CFAP20DC: variants seen among roughly 807,000 people sequenced by gnomAD.
The protein encoded by CFAP20DC is CFAP20 domain containing, also known as protein CFAP20DC.
Under a neutral mutation model 101.7 loss-of-function variants are expected in CFAP20DC, and 84 were observed. The ratio of observed to expected loss-of-function variants is 0.83; its 90% CI spans 0.69 to 0.99. CFAP20DC has a LOEUF of 0.99. Ranked by LOEUF, CFAP20DC falls within the 50% of genes least tolerant of loss-of-function variation. CFAP20DC has a pLI of 0.00. For synonymous variants in CFAP20DC, 359 were observed against 351.2 expected, an observed-to-expected ratio of 1.02 and a Z score of -0.25; for missense variants, 1,007 against 970.3, an observed-to-expected ratio of 1.04 and a Z score of -0.50.
chr3:58,816,503 C>T (rs2075160098), intron 14 of CFAP20DC, among the ~76,000 whole-genome samples: 1 of 152,174 alleles, frequency 6.6e-6, no homozygotes, highest in African/African-American at 2.4e-5. Flanking sequence ...CAGGGAGTTC[C>T]CTTTCCGAGT....
intron 4 of CFAP20DC, among the ~76,000 whole-genome samples, chr3:58,967,740 A>G (rs185768012): frequency 5.8e-4 from 88 of 152,266 alleles, no homozygotes; most frequent in African/African-American, 2.0e-3. Flanking sequence ...TTAGGGGTAC[A>G]TGTGAAGGTT....
chr3:58,948,693 G>A (rs996421880), intron 4 of CFAP20DC, among the ~76,000 whole-genome samples: 16 of 152,270 alleles, frequency 1.1e-4, no homozygotes, highest in African/African-American at 3.4e-4. Flanking sequence ...CGGTTTGCCC[G>A]TATTTTATTG....
At position 58,993,385 on chromosome 3, in the gene CFAP20DC, T is replaced by C. The variant is rs146045825; in HGVS notation, c.278+46172A>G. ...AGAGAACGCTGTTTACCCCTAATTC[T>C]GGCCTCTTCTCTAGTTATCTTCATG... On this transcript the variant is annotated intron_variant, in intron 4 of 16. Transcript: ENST00000482387. Among the ~76,000 whole-genome samples, 14 of 152,336 alleles carry C rather than the reference T, an allele frequency of 9.2e-5. 1 individual carries two copies. In the East Asian group the frequency reaches 2.7e-3, roughly 29 times the overall value.
At chr3:58,843,482 G>A (rs2077336874) in intron 13 of CFAP20DC, among the ~76,000 whole-genome samples, 2 of 151,404 alleles carry the variant, frequency 1.3e-5, no homozygotes, top group South Asian at 4.2e-4. Flanking sequence ...AAAAAGAAAT[G>A]AGCAAAGCCT....
intron 4 of CFAP20DC, among the ~76,000 whole-genome samples, chr3:58,976,800 T>C (rs1032372808): frequency 6.6e-6 from 1 of 152,096 alleles, no homozygotes; most frequent in Non-Finnish European, 1.5e-5. Flanking sequence ...CAGGTCTACA[T>C]GGCCCAGCTG....
intron 5 of CFAP20DC, among the ~76,000 whole-genome samples, chr3:58,921,201 ATTTTTGGTTTCATTAAT>A (rs2085332258): frequency 6.6e-6 from 1 of 151,958 alleles, no homozygotes; most frequent in Non-Finnish European, 1.5e-5. Context: ...CAAAGAACCA[ATTTTTGGTTTCATTAAT>A]TTCTCCATCA....
In CFAP20DC at chr3:58,971,775, C is replaced by T. The variant is rs536944391; in HGVS notation, c.279-34013G>A. Among the ~76,000 whole-genome samples the T allele has an allele frequency of 1.5e-4, 23 of 152,142 alleles. No homozygotes were observed. The East Asian group carries it at 3.9e-3, about 26-fold the overall frequency. On this transcript the variant is annotated intron_variant, in intron 4 of 16. Coordinates refer to ENST00000482387, the MANE Select transcript of CFAP20DC (RefSeq NM_001394063.1). This position sits in a 1 kb window ranked among gnomAD's most constrained non-coding sequence, Gnocchi z 4.1. ...AAGGCAGGTAACAGAGAAAGCCCCA[C>T]TGTCACTACCAAACCAAATGCCAAA...
At chr3:58,839,629 A>T (rs1489995031) in intron 13 of CFAP20DC, among the ~76,000 whole-genome samples, 2 of 152,208 alleles carry the variant, frequency 1.3e-5, no homozygotes, top group Non-Finnish European at 2.9e-5. Context: ...TAAACATTTG[A>T]TGAGTAGGAT....
intron 12 of CFAP20DC, among the ~76,000 whole-genome samples, chr3:58,849,964 G>A (rs1365341283): frequency 1.3e-5 from 2 of 152,074 alleles, no homozygotes; most frequent in African/African-American, 4.8e-5. Flanking sequence ...TTTCTTACAT[G>A]AAAATTTTAG....
downstream of CFAP20DC, among the ~76,000 whole-genome samples, chr3:58,739,930 C>G (rs921791919): frequency 6.6e-6 from 1 of 152,100 alleles, no homozygotes; most frequent in Admixed American, 6.5e-5. Flanking sequence ...GTGGTAGACA[C>G]CTTTAGAATG....
chr3:58,723,624 G>C (rs751678239), intron 3 of CFAP20DC, among the ~76,000 whole-genome samples: 25 of 152,210 alleles, frequency 1.6e-4, no homozygotes, highest in Non-Finnish European at 2.8e-4. Context: ...GTGAGTGGTG[G>C]TTAGGAGCAG....
At position 59,047,758 on chromosome 3, in the gene CFAP20DC, TA is replaced by T. The variant is rs529919537; in HGVS notation, c.22-505del. On this transcript the variant is annotated intron_variant, in intron 1 of 16. Transcript: ENST00000482387. ...ACTTAACTTCTTGATTCTCCATCTG[TA>T]AAATGGGTTGTTGGATTACATAAGA... Among the ~76,000 whole-genome samples the T allele has an allele frequency of 5.1e-4, 77 of 152,274 alleles. 1 individual carries two copies. The highest frequency in any genetic ancestry group is 1.8e-3 in the African/African-American group (76 of 41,544).
At chr3:58,850,473 A>G (rs2108316331) in intron 12 of CFAP20DC, among the ~76,000 whole-genome samples, 1 of 152,016 alleles carries the variant, frequency 6.6e-6, no homozygotes, top group African/African-American at 2.4e-5. Flanking sequence ...CTGTAATCCC[A>G]GCTACTCGGG....
In CFAP20DC at chr3:59,007,011, G is replaced by A. The variant is rs116501549; in HGVS notation, c.278+32546C>T. Among the ~76,000 whole-genome samples the A allele has an allele frequency of 0.019, 2,888 of 152,272 alleles. 97 individuals are homozygous for A. The highest frequency in any genetic ancestry group is 0.065 in the African/African-American group (2,693 of 41,542). On this transcript the variant is annotated intron_variant, in intron 4 of 16. Transcript: ENST00000482387. The surrounding 1 kb of genome is among the most constrained non-coding windows in gnomAD (Gnocchi z 4.4). ...CTCAGTGCTGTTAGTGGGGCACTGC[G>A]AGAGCGAGACTGGCCTTGCCAACTG... is the stretch of plus-strand genomic sequence containing the variant.
At chr3:58,838,224 A>G (rs1327799381) in intron 13 of CFAP20DC, among the ~76,000 whole-genome samples, 1 of 152,132 alleles carries the variant, frequency 6.6e-6, no homozygotes, top group East Asian at 1.9e-4. Context: ...GAAAAATTTT[A>G]CTAAATTTAA....
At chr3:59,024,770 A>C (rs2093863297) in intron 4 of CFAP20DC, among the ~76,000 whole-genome samples, 1 of 152,192 alleles carries the variant, frequency 6.6e-6, no homozygotes, top group South Asian at 2.1e-4. Flanking sequence ...TGAATTGCTA[A>C]CAATAAATTT....
intron 4 of CFAP20DC, among the ~76,000 whole-genome samples, chr3:58,966,877 T>C (rs1158999658): frequency 1.3e-5 from 2 of 152,160 alleles, no homozygotes; most frequent in Non-Finnish European, 2.9e-5. Context: ...GCCATGTTAA[T>C]GGACTGGAAG....
intron 4 of CFAP20DC, among the ~76,000 whole-genome samples, chr3:58,987,965 T>C (rs922877387): frequency 6.6e-6 from 1 of 152,156 alleles, no homozygotes; most frequent in African/African-American, 2.4e-5. Context: ...ATTTATCAAA[T>C]ATAATTTTAT....
chr3:58,947,376 A>C (rs1298575907), intron 4 of CFAP20DC, among the ~76,000 whole-genome samples: 1 of 152,222 alleles, frequency 6.6e-6, no homozygotes, highest in South Asian at 2.1e-4. Context: ...TGTAGTCAAC[A>C]AACCTGGAAT....
Sources: gnomAD v4.1 joint callset for allele counts (sites outside exome capture counted in the v4.1 genomes callset) on GRCh38, gnomAD v4.1.1 for gene constraint, Gnocchi (gnomAD v3.1) non-coding constraint, MANE v1.5 for transcripts, NCBI Gene and HGNC (gene_info 2026-07-23, HGNC 2026-07-21) for gene names.